PDE2A: variants seen among roughly 807,000 people sequenced by gnomAD.
The protein encoded by PDE2A is phosphodiesterase 2A.
In PDE2A, 53 loss-of-function variants were observed where a neutral mutation model predicts 133.6. That is an observed-to-expected ratio of 0.40 (90% confidence interval 0.32 to 0.50). PDE2A has a LOEUF of 0.50. Among genes scored for constraint, PDE2A ranks in the 20% least tolerant of loss-of-function variants. The pLI, the probability that PDE2A is intolerant of heterozygous loss-of-function variation, is 0.73. For synonymous variants in PDE2A, 491 were observed against 490.2 expected (o/e 1.00, Z -0.02); for missense variants, 796 against 1,232.4 (o/e 0.65, Z 5.30).
intron 1 of PDE2A, among the ~76,000 whole-genome samples, chr11:72,649,537 G>A (rs1854664722): frequency 6.6e-6 from 1 of 152,262 alleles, no homozygotes; most frequent in Non-Finnish European, 1.5e-5. Flanking sequence ...CCTTTGTGAG[G>A]CCCAGGGACG....
chr11:72,656,053 G>T (rs1477655877), intron 1 of PDE2A, among the ~76,000 whole-genome samples: 4 of 152,170 alleles, frequency 2.6e-5, no homozygotes, highest in Admixed American at 6.5e-5. Context: ...TCACGGCCCG[G>T]CATCCGGAGA....
Position 72,674,211 on chromosome 11 carries a change from T to C in PDE2A, c.-4A>G. Reference sequence around the variant, plus strand: ...AGTGGCCGCATGCCTGCCCCATCACTCCTCATCGTCCGCCTCCCCAGCCAG... The same window carrying C: ...AGTGGCCGCATGCCTGCCCCATCACCCCTCATCGTCCGCCTCCCCAGCCAG... On this transcript the variant is annotated 5_prime_UTR_variant, in exon 1 of 31. Transcript: ENST00000334456. The C allele has an allele frequency of 6.2e-7, 1 of 1,607,760 alleles. No homozygotes were observed. The highest frequency in any genetic ancestry group is 8.5e-7 in the Non-Finnish European group (1 of 1,179,002).
intron 1 of PDE2A, among the ~76,000 whole-genome samples, chr11:72,660,553 C>G (rs1054864288): frequency 6.6e-6 from 1 of 152,166 alleles, no homozygotes; most frequent in African/African-American, 2.4e-5. Flanking sequence ...ATCCTCATGG[C>G]TGCCCTAATG....
chr11:72,651,044 C>T (rs1048239058), intron 1 of PDE2A, among the ~76,000 whole-genome samples: 3 of 152,228 alleles, frequency 2.0e-5, no homozygotes, highest in African/African-American at 7.2e-5. Context: ...AACCATCACA[C>T]AGGGAGGCCC....
intron 4 of PDE2A, among the ~76,000 whole-genome samples, chr11:72,603,346 G>A (rs937775776): frequency 3.3e-5 from 5 of 152,162 alleles, no homozygotes; most frequent in African/African-American, 7.2e-5. Flanking sequence ...TTGGAAGGAG[G>A]ATGTTGAAAG....
Position 72,588,906 on chromosome 11 carries a change from T to C in PDE2A, c.948A>G (p.Val316=), listed in dbSNP as rs560798593. ...AGCCCAACATGCTCTGCAGCTGTTG[T>C]ACATCCTCCTGCAAAGGCGAGGCAA... The part of the protein sequence containing the change: ...IQLKDLTSED[V]QQLQSMLGCE... The change falls in exon 13 of 31, where the codon GTA becomes GTG. Residue 316 remains valine, a synonymous_variant. Coordinates refer to ENST00000334456, the MANE Select transcript of PDE2A (RefSeq NM_002599.5). The C allele has an allele frequency of 2.4e-5, 38 of 1,602,588 alleles. No individual in the cohort carries two copies. In the South Asian group the frequency reaches 4.0e-4, roughly 17 times the overall value.
chr11:72,665,684 C>T (rs1392096627), intron 1 of PDE2A, among the ~76,000 whole-genome samples: 1 of 151,966 alleles, frequency 6.6e-6, no homozygotes, highest in Admixed American at 6.5e-5. Flanking sequence ...GCCTTGCTAA[C>T]CAGGCTGTCC....
chr11:72,579,403 G>C lies in PDE2A; in HGVS notation c.2257-20C>G, dbSNP rs1855610488. Reference sequence around the variant, plus strand: ...ATAGTCCTGAGGCGAGGGCAGGGGTGTCATGCCCTCCTACTGGACACCCCC... The same window carrying C: ...ATAGTCCTGAGGCGAGGGCAGGGGTCTCATGCCCTCCTACTGGACACCCCC... On this transcript the variant is annotated intron_variant, in intron 26 of 30. Coordinates refer to ENST00000334456, the MANE Select transcript of PDE2A (RefSeq NM_002599.5). The C allele has an allele frequency of 6.3e-7, 1 of 1,592,936 alleles. No homozygotes were observed. Among genetic ancestry groups the C allele is most frequent in the Non-Finnish European group, 8.6e-7 (1 of 1,161,548 alleles).
intron 21 of PDE2A, 162 bp from the exon 22 acceptor site, chr11:72,582,109 G>C: frequency 1.6e-6 from 1 of 640,688 alleles, no homozygotes; most frequent in Non-Finnish European, 2.8e-6. Context: ...TCGGAGCTAT[G>C]CATTTTTAGA....
intron 1 of PDE2A, among the ~76,000 whole-genome samples, chr11:72,655,027 G>A (rs1195271186): frequency 6.6e-6 from 1 of 152,220 alleles, no homozygotes; most frequent in Non-Finnish European, 1.5e-5. Flanking sequence ...TAGTGCCCAG[G>A]TTGGGGACAG....
intron 6 of PDE2A, 80 bp downstream of exon 6, chr11:72,596,513 C>CACAT (rs1421906789): frequency 1.2e-5 from 8 of 662,124 alleles, no homozygotes; most frequent in Admixed American, 3.1e-5. Context: ...CACACACACA[C>CACAT]ACACCCTGGA....
In PDE2A at chr11:72,590,728, T is replaced by C. The variant is rs2060424157; in HGVS notation, c.550-148A>G. 2 of 714,800 alleles carry C rather than the reference T, an allele frequency of 2.8e-6. No individual in the cohort carries two copies. Among genetic ancestry groups the C allele is most frequent in the African/African-American group, 1.9e-5 (1 of 53,442 alleles). The allele number at this position is 714,800 out of a possible 1,614,324, so 44.3% of individuals were successfully genotyped here. A position where few individuals can be genotyped will look rare whatever the true frequency, so the allele number is the denominator to read the frequency against. Reference sequence around the variant, plus strand: ...TCCCAAACACCTCATCCCTGGACTCTACCTTCCTGAGGGCTCCCCCGGGGG... The same window carrying C: ...TCCCAAACACCTCATCCCTGGACTCCACCTTCCTGAGGGCTCCCCCGGGGG... On this transcript the variant is annotated intron_variant, in intron 7 of 30. Transcript: ENST00000334456. The surrounding 1 kb of genome is among the most constrained non-coding windows in gnomAD (Gnocchi z 4.8).
At chr11:72,607,067 T>A (rs1022641329) in intron 3 of PDE2A, among the ~76,000 whole-genome samples, 1 of 152,042 alleles carries the variant, frequency 6.6e-6, no homozygotes, top group African/African-American at 2.4e-5. Flanking sequence ...AGAGCAGACC[T>A]CAGCTCCCTT....
chr11:72,642,742 C>A (rs1859016062), intron 1 of PDE2A, among the ~76,000 whole-genome samples: 1 of 151,318 alleles, frequency 6.6e-6, no homozygotes, highest in Non-Finnish European at 1.5e-5. Flanking sequence ...TGATCGCACC[C>A]TGTTTCCCCG....
chr11:72,578,603 A>G lies in PDE2A; in HGVS notation c.2470-89T>C. The G allele has an allele frequency of 1.7e-6, 2 of 1,152,870 alleles. No individual in the cohort carries two copies. Among genetic ancestry groups the G allele is most frequent in the Non-Finnish European group, 1.3e-6 (1 of 765,818 alleles). 71.4% of individuals were successfully genotyped at this position (1,152,870 alleles called of 1,614,324 possible). A position where few individuals can be genotyped will look rare whatever the true frequency, so the allele number is the denominator to read the frequency against. ...AGCCCGTTCCCAGGAGAGAAAACTGAGGCCCAGGGATTCAGTCCCAGCTCA... is the reference window on the plus strand; with the variant it reads ...AGCCCGTTCCCAGGAGAGAAAACTGGGGCCCAGGGATTCAGTCCCAGCTCA... On this transcript the variant is annotated intron_variant, in intron 28 of 30. Coordinates refer to ENST00000334456, the MANE Select transcript of PDE2A (RefSeq NM_002599.5). The surrounding 1 kb of genome is among the most constrained non-coding windows in gnomAD (Gnocchi z 4.2).
intron 12 of PDE2A, 98 bp from the exon 13 acceptor site, chr11:72,589,012 C>T (rs1856107906): frequency 1.5e-6 from 2 of 1,362,900 alleles, no homozygotes; most frequent in East Asian, 2.3e-5. Flanking sequence ...TTCTAAGGGA[C>T]TCATGCAAGG....
intron 1 of PDE2A, among the ~76,000 whole-genome samples, chr11:72,646,847 T>C (rs1394311734): frequency 1.3e-5 from 2 of 152,252 alleles, no homozygotes; most frequent in Non-Finnish European, 2.9e-5. Context: ...CTTTCATTAA[T>C]TCATTCATGC....
chr11:72,667,218 T>C (rs903866383), intron 1 of PDE2A, among the ~76,000 whole-genome samples: 4 of 152,124 alleles, frequency 2.6e-5, no homozygotes, highest in African/African-American at 7.2e-5. Flanking sequence ...CATACACATA[T>C]GCACAACTGG....
At chr11:72,648,803 C>T (rs1317557408) in intron 1 of PDE2A, among the ~76,000 whole-genome samples, 1 of 152,160 alleles carries the variant, frequency 6.6e-6, no homozygotes, top group African/African-American at 2.4e-5. Flanking sequence ...TACACACATA[C>T]ACCCCTATGC....
Sources: gnomAD v4.1 joint callset for allele counts (sites outside exome capture counted in the v4.1 genomes callset) on GRCh38, gnomAD v4.1.1 for gene constraint, Gnocchi (gnomAD v3.1) non-coding constraint, MANE v1.5 for transcripts, NCBI Gene and HGNC (gene_info 2026-07-23, HGNC 2026-07-21) for gene names.